UBXN2A: variants seen among roughly 807,000 people sequenced by gnomAD.
UBXN2A encodes UBX domain protein 2A, also known as UBX domain-containing protein 2A.
UBXN2A carries 28 observed loss-of-function variants against 28.4 expected under a neutral mutation model. The ratio of observed to expected loss-of-function variants is 0.99; its 90% confidence interval spans 0.73 to 1.35. UBXN2A has a LOEUF of 1.35. UBXN2A is among the 40% of genes most tolerant of loss of function. The pLI is 0.00. For synonymous variants in UBXN2A, 97 were observed against 103.6 expected, an observed-to-expected ratio of 0.94 and a Z score of 0.39; for missense variants, 253 against 297.9, an observed-to-expected ratio of 0.85 and a Z score of 1.11.
chr2:23,963,339 AC>A (rs1573562654), intron 2 of UBXN2A, among the ~76,000 whole-genome samples: 1 of 151,956 alleles, frequency 6.6e-6, no homozygotes, highest in African/African-American at 2.4e-5. Flanking sequence ...ACATGGTGAA[AC>A]CCTGTCTCTA....
chr2:24,002,064 CCCAGGAGTTTGAGA>C lies in UBXN2A; in HGVS notation c.*2202_*2215del, dbSNP rs1419950262. The C allele has an allele frequency of 2.0e-5, 3 of 152,082 alleles. No homozygotes were observed. Among genetic ancestry groups the C allele is most frequent in the Non-Finnish European group, 4.4e-5 (3 of 68,044 alleles). 9.4% of individuals were successfully genotyped at this position (152,082 alleles called of 1,614,324 possible). A position where few individuals can be genotyped will look rare whatever the true frequency, so the allele number is the denominator to read the frequency against. The stretch of plus-strand genomic sequence containing the variant: ...GGCCAAGACAGGTGGATCACTTGAG[CCCAGGAGTTTGAGA>C]CCAGCCTGGGCAACAAGGCAAAACT... On this transcript the variant is annotated 3_prime_UTR_variant, in exon 7 of 7. Transcript: ENST00000309033.
intron 1 of UBXN2A, chr2:23,944,333 A>G: frequency 1.9e-6 from 3 of 1,597,218 alleles, no homozygotes; most frequent in Non-Finnish European, 2.6e-6. Flanking sequence ...TGTTATTTGT[A>G]GGGCTGGCAG....
At chr2:23,987,539 G>C (rs531281088) in intron 6 of UBXN2A, among the ~76,000 whole-genome samples, 1 of 152,220 alleles carries the variant, frequency 6.6e-6, no homozygotes, top group East Asian at 1.9e-4. Flanking sequence ...AGCACTTTGG[G>C]AGGCCGAGGT....
rs113978767 is a variant in UBXN2A, at chr2:23,947,193, G to A, written c.-15+6545G>A. Among the ~76,000 whole-genome samples the A allele has an allele frequency of 6.8e-3, 1,041 of 152,194 alleles. 15 individuals carry two copies. Among genetic ancestry groups the A allele is most frequent in the African/African-American group, 0.022 (926 of 41,534 alleles). ...GGTGCACCACTGTGCCTGGCCTAAC[G>A]TAAGCATTTTAAAATACCACATTCT... On this transcript the variant is annotated intron_variant, in intron 1 of 6. Transcript: ENST00000309033.
Position 23,984,949 on chromosome 2 carries a change from C to T in UBXN2A, c.584+118C>T, listed in dbSNP as rs903784253. The T allele has an allele frequency of 9.0e-5, 101 of 1,118,560 alleles. 1 individual carries two copies. In the African/African-American group the frequency reaches 1.3e-3, roughly 15 times the overall value. 69.3% of individuals were successfully genotyped at this position (1,118,560 alleles called of 1,614,324 possible). On this transcript the variant is annotated intron_variant, in intron 6 of 6. Transcript: ENST00000309033. ...TAGAATCTTTCTTTGTTGCCCAGGC[C>T]AGAGTGCAGTGGCACAGTCATAGCT...
Position 24,001,339 on chromosome 2 carries a change from T to G in UBXN2A, c.*1472T>G, listed in dbSNP as rs1464380215. 1 of 152,178 alleles carries G rather than the reference T, an allele frequency of 6.6e-6. No homozygotes were observed. Among genetic ancestry groups the G allele is most frequent in the Non-Finnish European group, 1.5e-5 (1 of 68,028 alleles). The allele number at this position is 152,178 out of a possible 1,614,324, so 9.4% of individuals were successfully genotyped here. ...TCAACTTGTGAATACATTTAAAGATTATTTCATTTTGATATCACGAAGAAA... is the reference window on the plus strand; with the variant it reads ...TCAACTTGTGAATACATTTAAAGATGATTTCATTTTGATATCACGAAGAAA... On this transcript the variant is annotated 3_prime_UTR_variant, in exon 7 of 7. Coordinates refer to ENST00000309033, the MANE Select transcript of UBXN2A (RefSeq NM_181713.4).
intron 6 of UBXN2A, among the ~76,000 whole-genome samples, chr2:23,987,989 G>A (rs1708198954): frequency 6.6e-6 from 1 of 151,626 alleles, no homozygotes; most frequent in Non-Finnish European, 1.5e-5. Flanking sequence ...TGGCCGTCGT[G>A]GCGTATGTCT....
chr2:23,962,985 G>T (rs1420363924), intron 2 of UBXN2A, among the ~76,000 whole-genome samples: 1 of 152,202 alleles, frequency 6.6e-6, no homozygotes, highest in South Asian at 2.1e-4. Flanking sequence ...GCAAGGAAGA[G>T]CAAGTTACAT....
upstream of UBXN2A, among the ~76,000 whole-genome samples, chr2:23,937,627 G>C (rs1053553310): frequency 6.6e-6 from 1 of 152,022 alleles, no homozygotes; most frequent in African/African-American, 2.4e-5. Flanking sequence ...ATCTAAAAAG[G>C]AAATAAATCA....
At chr2:23,943,850 C>G in intron 1 of UBXN2A, 1 of 369,694 alleles carries the variant, frequency 2.7e-6, no homozygotes, top group Non-Finnish European at 5.3e-6. Flanking sequence ...CCCAAGATGG[C>G]TGCACTCTTG....
chr2:23,963,861 G>T (rs774016573), intron 2 of UBXN2A, among the ~76,000 whole-genome samples: 1 of 152,178 alleles, frequency 6.6e-6, no homozygotes, highest in Non-Finnish European at 1.5e-5. Flanking sequence ...GGGTGCCGTG[G>T]CTCACATCTG....
At chr2:23,979,411 T>C (rs1707806057) in intron 4 of UBXN2A, among the ~76,000 whole-genome samples, 1 of 152,218 alleles carries the variant, frequency 6.6e-6, no homozygotes, top group Non-Finnish European at 1.5e-5. Flanking sequence ...GTTAACATTT[T>C]TGTTGAATTT....
chr2:23,932,824 A>G (rs1300815931), intron 1 of UBXN2A, among the ~76,000 whole-genome samples: 1 of 152,178 alleles, frequency 6.6e-6, no homozygotes, highest in Non-Finnish European at 1.5e-5. Flanking sequence ...TCATCATGAC[A>G]ACCAGGCGCG....
upstream of UBXN2A, among the ~76,000 whole-genome samples, chr2:23,938,399 G>A (rs1705598451): frequency 6.6e-6 from 1 of 151,974 alleles, no homozygotes; most frequent in African/African-American, 2.4e-5. Context: ...CTGGGAGGCG[G>A]AGGTTATAGT....
chr2:23,994,593 C>A (rs1265106886), intron 6 of UBXN2A, among the ~76,000 whole-genome samples: 1 of 152,172 alleles, frequency 6.6e-6, no homozygotes, highest in Non-Finnish European at 1.5e-5. Context: ...GGAATTCTTA[C>A]TTTCAATTCT....
chr2:23,980,065 A>T (rs1707834155), intron 4 of UBXN2A, among the ~76,000 whole-genome samples: 1 of 152,248 alleles, frequency 6.6e-6, no homozygotes, highest in East Asian at 1.9e-4. Flanking sequence ...GAATATCATT[A>T]TTGAAAAAGC....
At position 24,004,603 on chromosome 2, in the gene UBXN2A, G is replaced by A. The variant is rs111507593; in HGVS notation, c.*4736G>A. The A allele has an allele frequency of 0.08, 12,174 of 152,290 alleles. 627 individuals carry two copies. The highest frequency in any genetic ancestry group is 0.12 in the South Asian group (566 of 4,830). 9.4% of individuals were successfully genotyped at this position (152,290 alleles called of 1,614,324 possible). On this transcript the variant is annotated 3_prime_UTR_variant, in exon 7 of 7. Transcript: ENST00000309033. ...CCGGAGGCAGAGGTTGCAGTGAGCC[G>A]AGATCGTGCCACTGCACTCCAGCCT...
chr2:23,951,151 A>T (rs567565749), intron 1 of UBXN2A, among the ~76,000 whole-genome samples: 139 of 152,076 alleles, frequency 9.1e-4, no homozygotes, highest in Non-Finnish European at 1.6e-3. Flanking sequence ...TCCTTCTGCT[A>T]TTTTGAAGCA....
intron 3 of UBXN2A, among the ~76,000 whole-genome samples, chr2:23,975,311 T>C (rs933601301): frequency 4.6e-5 from 7 of 152,188 alleles, no homozygotes; most frequent in Non-Finnish European, 7.3e-5. Context: ...CTACTACTTA[T>C]TACATTTTGA....
Sources: gnomAD v4.1 joint callset for allele counts (sites outside exome capture counted in the v4.1 genomes callset) on GRCh38, gnomAD v4.1.1 for gene constraint, MANE v1.5 for transcripts, NCBI Gene and HGNC (gene_info 2026-07-23, HGNC 2026-07-21) for gene names.